MGAT5: variants seen among roughly 807,000 people sequenced by gnomAD.
MGAT5 encodes the protein alpha-1,6-mannosylglycoprotein 6-beta-N-acetylglucosaminyltransferase A.
MGAT5 carries 30 observed loss-of-function variants against 94.3 expected under a neutral mutation model. That is an observed-to-expected ratio of 0.32 (90% CI 0.24 to 0.43). The LOEUF (loss-of-function observed/expected upper bound fraction) is 0.43, where lower values mean the gene tolerates loss of function less well. Ranked by LOEUF, MGAT5 falls within the 20% of genes least tolerant of loss-of-function variation. The pLI is 1.00. For synonymous variants in MGAT5, 310 were observed against 322.9 expected (o/e 0.96, Z 0.43); for missense variants, 691 against 905.5 (o/e 0.76, Z 3.04).
At chr2:134,338,472 T>A in intron 6 of MGAT5, 52 bp downstream of exon 6, 1 of 1,525,926 alleles carries the variant, frequency 6.6e-7, no homozygotes, top group South Asian at 1.3e-5. Flanking sequence ...CTTTTAAAAT[T>A]TGATTTTGCT....
At chr2:134,176,706 G>C (rs1448924698) in intron 1 of MGAT5, among the ~76,000 whole-genome samples, 1 of 151,550 alleles carries the variant, frequency 6.6e-6, no homozygotes, top group African/African-American at 2.4e-5. Context: ...TATTACCTTA[G>C]CAAATTGCTA....
chr2:134,397,034 GATAAGTTAA>G (rs1344285786), intron 10 of MGAT5, among the ~76,000 whole-genome samples: 1 of 152,216 alleles, frequency 6.6e-6, no homozygotes, highest in African/African-American at 2.4e-5. Context: ...GGGAATGAGG[GATAAGTTAA>G]GTGTAGGCAG....
intron 10 of MGAT5, among the ~76,000 whole-genome samples, chr2:134,363,393 C>G (rs904724026): frequency 6.6e-6 from 1 of 152,166 alleles, no homozygotes; most frequent in Non-Finnish European, 1.5e-5. Context: ...ACTAACTACA[C>G]CAAAGGGATG....
At chr2:134,165,236 A>T (rs1296832707) in intron 1 of MGAT5, among the ~76,000 whole-genome samples, 1 of 152,230 alleles carries the variant, frequency 6.6e-6, no homozygotes, top group African/African-American at 2.4e-5. Flanking sequence ...ATGGCCAGAG[A>T]TGACTGATTG....
At chr2:134,224,876 C>T (rs1056171255) in intron 1 of MGAT5, among the ~76,000 whole-genome samples, 1 of 151,902 alleles carries the variant, frequency 6.6e-6, no homozygotes, top group African/African-American at 2.4e-5. Flanking sequence ...CCCAGGAGTT[C>T]AAGACCAGCC....
intron 2 of MGAT5, among the ~76,000 whole-genome samples, chr2:134,308,177 C>A (rs1032522323): frequency 1.3e-5 from 2 of 152,174 alleles, no homozygotes; most frequent in Non-Finnish European, 1.5e-5. Context: ...TGGCTACCAT[C>A]ATTATTACGC....
intron 2 of MGAT5, among the ~76,000 whole-genome samples, chr2:134,275,781 G>A (rs887453971): frequency 9.9e-5 from 15 of 151,612 alleles, no homozygotes; most frequent in African/African-American, 3.4e-4. Flanking sequence ...TAGAGAATGG[G>A]GTCTTGCTAT....
intron 5 of MGAT5, among the ~76,000 whole-genome samples, chr2:134,337,790 A>G (rs1253811096): frequency 6.6e-6 from 1 of 152,178 alleles, no homozygotes; most frequent in Non-Finnish European, 1.5e-5. Flanking sequence ...CCAGAAGATG[A>G]GCATTTATTT....
At chr2:134,273,208 AAAG>A (rs1225748461) in intron 2 of MGAT5, among the ~76,000 whole-genome samples, 2 of 152,202 alleles carry the variant, frequency 1.3e-5, no homozygotes, top group African/African-American at 2.4e-5. Context: ...AGAGTACCAG[AAAG>A]AAGGACAAGG....
intron 11 of MGAT5, among the ~76,000 whole-genome samples, chr2:134,411,962 C>T (rs1449071523): frequency 6.6e-6 from 1 of 152,204 alleles, no homozygotes; most frequent in Non-Finnish European, 1.5e-5. Context: ...GACACAGCTT[C>T]GTCAAGCCCA....
At chr2:134,339,714 A>G in intron 6 of MGAT5, among the ~76,000 whole-genome samples, 1 of 152,178 alleles carries the variant, frequency 6.6e-6, no homozygotes, top group East Asian at 1.9e-4. Context: ...GAATCATTTT[A>G]TGTAAGTGTT....
intron 11 of MGAT5, among the ~76,000 whole-genome samples, chr2:134,409,231 G>A (rs898081516): frequency 2.0e-5 from 3 of 152,188 alleles, no homozygotes; most frequent in Admixed American, 2.0e-4. Flanking sequence ...TCCTTTCCAT[G>A]TACTATCTCA....
chr2:134,299,202 A>G (rs11675933), intron 2 of MGAT5, among the ~76,000 whole-genome samples: 16,453 of 152,252 alleles, frequency 0.11, 989 homozygotes, highest in South Asian at 0.25. Flanking sequence ...ACACATGGCC[A>G]CTGACTTTGT....
chr2:134,341,445 C>T (rs542365391), intron 6 of MGAT5, 145 bp from the exon 7 acceptor site: 1 of 647,582 alleles, frequency 1.5e-6, no homozygotes, highest in East Asian at 2.9e-5. Flanking sequence ...TTCCTTTGTA[C>T]CTTCTAGAAA....
rs1173299044 is a variant in MGAT5, at chr2:134,254,518, C to G, written c.115C>G (p.Gln39Glu). 9 of 1,614,088 alleles carry G rather than the reference C, an allele frequency of 5.6e-6. No individual in the cohort carries two copies. The highest frequency in any genetic ancestry group is 7.6e-6 in the Non-Finnish European group (9 of 1,180,044). The change falls in exon 1 of 16, where the codon CAG (glutamine) becomes GAG (glutamate). Residue 39 changes from glutamine (Q) to glutamate (E), a missense_variant. Physicochemically the swap from Gln to Glu is conservative, Grantham distance 29. Coordinates refer to ENST00000281923, the MANE Select transcript of MGAT5 (RefSeq NM_002410.5). The stretch of plus-strand genomic sequence containing the variant: ...GCACTTTACCATCCAGCAGCGAACT[C>G]AGCCTGAAAGCAGCTCCATGCTGCG... ...LLHFTIQQRT[Q>E]PESSSMLREQ...
chr2:134,403,319 T>A (rs1429000290), intron 11 of MGAT5, among the ~76,000 whole-genome samples, 182 bp downstream of exon 11: 1 of 152,220 alleles, frequency 6.6e-6, no homozygotes, highest in Non-Finnish European at 1.5e-5. Context: ...TTGCTACAGT[T>A]TTTTTCATTG....
rs181049761 is a variant in MGAT5 at position 134,453,900 on chromosome 2, T to G, written c.*5053T>G. On this transcript the variant is annotated 3_prime_UTR_variant, in exon 16 of 16. Transcript: ENST00000281923. ...CCTGATGGATTCAAAGTTTTATCTATCTCCTTATCTCCTGCCCTGTCTTGG... is the reference window on the plus strand; with the variant it reads ...CCTGATGGATTCAAAGTTTTATCTAGCTCCTTATCTCCTGCCCTGTCTTGG... 2.0e-4 allele frequency: 31 copies of G among 152,314 alleles called. No individual in the cohort carries two copies. Among genetic ancestry groups the G allele is most frequent in the African/African-American group, 7.2e-4 (30 of 41,570 alleles). 9.4% of individuals were successfully genotyped at this position (152,314 alleles called of 1,614,324 possible). A position where few individuals can be genotyped will look rare whatever the true frequency, so the allele number is the denominator to read the frequency against.
intron 1 of MGAT5, among the ~76,000 whole-genome samples, chr2:134,246,174 A>AAT (rs1682249565): frequency 6.6e-6 from 1 of 151,068 alleles, no homozygotes; most frequent in African/African-American, 2.4e-5. Context: ...TTATAAAAAA[A>AAT]AAAAAAAAAA....
chr2:134,430,408 C>T (rs1239562766), intron 14 of MGAT5, among the ~76,000 whole-genome samples: 1 of 152,174 alleles, frequency 6.6e-6, no homozygotes, highest in Non-Finnish European at 1.5e-5. Flanking sequence ...CCAAATAGAC[C>T]TTGCTAAATG....
Sources: allele counts gnomAD v4.1 joint callset (sites outside exome capture counted in the v4.1 genomes callset), GRCh38; gene constraint gnomAD v4.1.1; transcripts MANE v1.5; gene names NCBI Gene and HGNC (gene_info 2026-07-23, HGNC 2026-07-21).